The following CAPZB variants were observed in gnomAD, a reference collection of about 807,000 sequenced individuals.
CAPZB encodes the protein F-actin-capping protein subunit beta.
CAPZB carries 2 observed loss-of-function variants against 38.1 expected under a neutral mutation model. The ratio of observed to expected loss-of-function variants is 0.05; its 90% CI spans 0.02 to 0.17. CAPZB has a LOEUF of 0.17. CAPZB is among the 10% of genes least tolerant of loss of function. The pLI, the probability that CAPZB is intolerant of heterozygous loss-of-function variation, is 1.00. For synonymous variants in CAPZB, 107 were observed against 127.4 expected, an observed-to-expected ratio of 0.84 and a Z score of 1.08; for missense variants, 161 against 334.2, an observed-to-expected ratio of 0.48 and a Z score of 4.04.
chr1:19,358,806 C>T (rs536139697), intron 4 of CAPZB, among the ~76,000 whole-genome samples: 90 of 152,310 alleles, frequency 5.9e-4, no homozygotes, highest in African/African-American at 1.9e-3. Flanking sequence ...CCCAAAGCCA[C>T]GGTGTGGCAG....
chr1:19,472,415 C>G (rs918205678), intron 1 of CAPZB, among the ~76,000 whole-genome samples: 1 of 152,220 alleles, frequency 6.6e-6, no homozygotes, highest in Non-Finnish European at 1.5e-5. Flanking sequence ...ACTGTGGCCT[C>G]TGCTCGTCCC....
At chr1:19,439,625 G>T (rs1354396614) in intron 1 of CAPZB, among the ~76,000 whole-genome samples, 1 of 152,226 alleles carries the variant, frequency 6.6e-6, no homozygotes, top group East Asian at 1.9e-4. Flanking sequence ...CCACCTCAAG[G>T]ATGTGCAAGT....
At chr1:19,469,981 T>C (rs2094581678) in intron 1 of CAPZB, among the ~76,000 whole-genome samples, 1 of 152,192 alleles carries the variant, frequency 6.6e-6, no homozygotes, top group East Asian at 1.9e-4. Flanking sequence ...TGTTAATGGC[T>C]GCATTCCATT....
chr1:19,462,355 G>A (rs1352764497), intron 1 of CAPZB, among the ~76,000 whole-genome samples: 2 of 152,044 alleles, frequency 1.3e-5, no homozygotes, highest in African/African-American at 4.8e-5. Context: ...CTACTCAGGA[G>A]GCTGAGGCAG....
chr1:19,346,270 G>A (rs906419523), intron 6 of CAPZB, among the ~76,000 whole-genome samples: 4 of 152,040 alleles, frequency 2.6e-5, no homozygotes, highest in South Asian at 4.2e-4. Context: ...CAAGAAAGAG[G>A]AAGAAAAGAA....
intron 2 of CAPZB, among the ~76,000 whole-genome samples, chr1:19,407,199 A>C (rs1252329762): frequency 1.3e-5 from 2 of 152,216 alleles, no homozygotes; most frequent in African/African-American, 4.8e-5. Flanking sequence ...TCTGTTTCCA[A>C]GGAAGTCTGC....
intron 1 of CAPZB, among the ~76,000 whole-genome samples, chr1:19,446,567 A>T (rs1025020289): frequency 2.0e-5 from 3 of 152,276 alleles, no homozygotes; most frequent in Admixed American, 6.5e-5. Context: ...ATCTACCCTA[A>T]TGAAACCACT....
At chr1:19,417,944 T>C (rs1021021531) in intron 2 of CAPZB, among the ~76,000 whole-genome samples, 13 of 151,760 alleles carry the variant, frequency 8.6e-5, no homozygotes, top group African/African-American at 2.9e-4. Flanking sequence ...TGAGACAAGC[T>C]TGACCAACAT....
chr1:19,414,348 T>C lies in CAPZB; in HGVS notation c.93+5313A>G, dbSNP rs146737906. ...TGCTCTGGCTACTTAAAAAGAAGAA[T>C]ATGCTGAAAACAGTTAACCTATGAA... On this transcript the variant is annotated intron_variant, in intron 2 of 8. Coordinates refer to ENST00000264202, the MANE Select transcript of CAPZB (RefSeq NM_004930.5). Among the ~76,000 whole-genome samples, 12 of 152,234 alleles carry C rather than the reference T, an allele frequency of 7.9e-5. No individual in the cohort carries two copies. The East Asian group carries it at 2.3e-3, about 29-fold the overall frequency.
chr1:19,393,246 G>A (rs912294338), intron 2 of CAPZB, among the ~76,000 whole-genome samples: 8 of 152,196 alleles, frequency 5.3e-5, no homozygotes, highest in Non-Finnish European at 4.4e-5. Context: ...GCAGCTTCGC[G>A]CCGGGCCTGA....
Position 19,357,725 on chromosome 1 carries a change from A to C in CAPZB, c.330-162T>G, listed in dbSNP as rs1300693364. On this transcript the variant is annotated intron_variant, in intron 4 of 8. Coordinates refer to ENST00000264202, the MANE Select transcript of CAPZB (RefSeq NM_004930.5). The surrounding 1 kb of genome is among the most constrained non-coding windows in gnomAD (Gnocchi z 4.3). ...GTTCTGATCGTTCTGTGGCTGGGGG[A>C]GGGGGTGCAGCATTCCTGGGGGTGT... Among the ~76,000 whole-genome samples the C allele has an allele frequency of 6.6e-6, 1 of 151,368 alleles. No individual in the cohort carries two copies. Among genetic ancestry groups the C allele is most frequent in the Admixed American group, 6.6e-5 (1 of 15,196 alleles).
Position 19,378,760 on chromosome 1 carries a change from G to A in CAPZB, c.216-107C>T, listed in dbSNP as rs368592537. On this transcript the variant is annotated intron_variant, in intron 3 of 8. Coordinates refer to ENST00000264202, the MANE Select transcript of CAPZB (RefSeq NM_004930.5). ...TATCTGAAATCTCGGAGGCAAAGCC[G>A]CTAACTCCAGCAAAGATTTTTCTGG... The A allele has an allele frequency of 3.0e-5, 19 of 639,268 alleles. 1 individual carries two copies. The highest frequency in any genetic ancestry group is 2.0e-4 in the South Asian group (11 of 55,228). 39.6% of individuals were successfully genotyped at this position (639,268 alleles called of 1,614,324 possible).
chr1:19,347,022 G>C (rs894032372), intron 6 of CAPZB, among the ~76,000 whole-genome samples: 3 of 148,780 alleles, frequency 2.0e-5, no homozygotes, highest in African/African-American at 7.5e-5. Flanking sequence ...TTTATTTTTA[G>C]TAGAGACAGG....
chr1:19,351,147 TG>T (rs1306947433), intron 6 of CAPZB, among the ~76,000 whole-genome samples: 2 of 151,956 alleles, frequency 1.3e-5, no homozygotes, highest in Non-Finnish European at 2.9e-5. Flanking sequence ...CACACCCAGC[TG>T]ATTTTTGTAT....
At position 19,364,922 on chromosome 1, in the gene CAPZB, T is replaced by C. The variant is rs533864220; in HGVS notation, c.330-7359A>G. 5.3e-5 allele frequency among the ~76,000 whole-genome samples: 8 copies of C among 152,102 alleles called. No individual in the cohort carries two copies. In the East Asian group the frequency reaches 1.6e-3, roughly 29 times the overall value. On this transcript the variant is annotated intron_variant, in intron 4 of 8. Transcript: ENST00000264202. ...AGTGCAATGGCATGACCATGGCTCA[T>C]TGCAGCCTCGACATTCTGGGCTCAA...
intron 1 of CAPZB, among the ~76,000 whole-genome samples, chr1:19,436,966 T>G (rs2094460160): frequency 6.6e-6 from 1 of 152,208 alleles, no homozygotes; most frequent in Non-Finnish European, 1.5e-5. Context: ...CTGTGGAGCC[T>G]GGATGGTTCA....
chr1:19,439,641 G>A (rs2094469264), intron 1 of CAPZB, among the ~76,000 whole-genome samples: 2 of 152,210 alleles, frequency 1.3e-5, no homozygotes, highest in South Asian at 4.1e-4. Flanking sequence ...CAAGTTCTCT[G>A]CCACATGGCA....
intron 6 of CAPZB, among the ~76,000 whole-genome samples, chr1:19,351,805 C>T (rs922509800): frequency 2.0e-5 from 3 of 152,134 alleles, no homozygotes; most frequent in African/African-American, 7.2e-5. Flanking sequence ...CTCAGAAAAC[C>T]TGAGCAGGGT....
chr1:19,354,403 T>C (rs1056074945), intron 6 of CAPZB, among the ~76,000 whole-genome samples: 1 of 152,230 alleles, frequency 6.6e-6, no homozygotes, highest in African/African-American at 2.4e-5. Context: ...CATCATTAAC[T>C]TAGATTTGTC....
Sources: allele counts gnomAD v4.1 joint callset (sites outside exome capture counted in the v4.1 genomes callset), GRCh38; gene constraint gnomAD v4.1.1; non-coding constraint Gnocchi (gnomAD v3.1); transcripts MANE v1.5; gene names NCBI Gene and HGNC (gene_info 2026-07-23, HGNC 2026-07-21).